Variants in MINK1 observed in about 807,000 individuals in gnomAD.
The protein encoded by MINK1 is misshapen-like kinase 1.
In MINK1, 46 loss-of-function variants were observed where a neutral mutation model predicts 178.4. The observed-to-expected ratio is 0.26, with a 90% CI of 0.20 to 0.33. The LOEUF (loss-of-function observed/expected upper bound fraction) is 0.33, where lower values mean the gene tolerates loss of function less well. MINK1 is among the 10% of genes least tolerant of loss of function. The pLI, the probability that MINK1 is intolerant of heterozygous loss-of-function variation, is 1.00. For synonymous variants in MINK1, 797 were observed against 709.7 expected, an observed-to-expected ratio of 1.12 and a Z score of -1.96; for missense variants, 1,366 against 1,814.9, an observed-to-expected ratio of 0.75 and a Z score of 4.49.
intron 1 of MINK1, among the ~76,000 whole-genome samples, chr17:4,858,479 A>T (rs867150246): frequency 0.012 from 1,738 of 139,396 alleles, 16 homozygotes; most frequent in Non-Finnish European, 0.02. Flanking sequence ...TTTAAATTTA[A>T]TTTTTTTTTT....
intron 5 of MINK1, among the ~76,000 whole-genome samples, 179 bp downstream of exon 5, chr17:4,884,652 G>A (rs1210400120): frequency 6.6e-6 from 1 of 152,172 alleles, no homozygotes; most frequent in Non-Finnish European, 1.5e-5. Flanking sequence ...CAGGCTGTTG[G>A]AGGAGACAAG....
At position 4,896,969 on chromosome 17, in the gene MINK1, G is replaced by A. The variant is rs149374110; in HGVS notation, c.3915+156G>A. Reference sequence around the variant, plus strand: ...CAGTCAGCCACTACCACTGCCCTGCGCTCCCTTCAGATTCCGAGGACTTCC... The same window carrying A: ...CAGTCAGCCACTACCACTGCCCTGCACTCCCTTCAGATTCCGAGGACTTCC... On this transcript the variant is annotated intron_variant, in intron 31 of 31. Transcript: ENST00000355280. The surrounding 1 kb of genome is among the most constrained non-coding windows in gnomAD (Gnocchi z 4.6). 408 of 1,099,422 alleles carry A rather than the reference G, an allele frequency of 3.7e-4. 2 individuals carry two copies. In the Middle Eastern group the frequency reaches 4.2e-3, roughly 11 times the overall value. 68.1% of individuals were successfully genotyped at this position (1,099,422 alleles called of 1,614,324 possible).
chr17:4,834,363 C>T (rs746436659), intron 1 of MINK1, among the ~76,000 whole-genome samples: 8 of 152,088 alleles, frequency 5.3e-5, no homozygotes, highest in Non-Finnish European at 8.8e-5. Context: ...AACTGTAGCA[C>T]GGGCTGGGAA....
chr17:4,869,175 C>T (rs1404268823), intron 1 of MINK1, among the ~76,000 whole-genome samples: 3 of 151,876 alleles, frequency 2.0e-5, no homozygotes, highest in African/African-American at 7.3e-5. Context: ...CTGCCTGCCT[C>T]GGCCTCCCAA....
chr17:4,860,936 CAG>C (rs1159287252), intron 1 of MINK1, among the ~76,000 whole-genome samples: 5 of 152,180 alleles, frequency 3.3e-5, no homozygotes, highest in Non-Finnish European at 7.3e-5. Context: ...GGCAGAGGAG[CAG>C]AGTCTGAGGG....
intron 16 of MINK1, 113 bp downstream of exon 16, chr17:4,891,829 A>C: frequency 7.2e-7 from 1 of 1,398,480 alleles, no homozygotes. Flanking sequence ...AAGCGAGAGA[A>C]AGCCAGGGCG....
chr17:4,868,619 C>T (rs1181845811), intron 1 of MINK1, among the ~76,000 whole-genome samples: 3 of 152,078 alleles, frequency 2.0e-5, no homozygotes, highest in South Asian at 2.1e-4. Context: ...GAATAATATT[C>T]GATTGTATAG....
intron 1 of MINK1, among the ~76,000 whole-genome samples, chr17:4,850,329 G>A (rs1326301090): frequency 2.0e-5 from 3 of 152,144 alleles, no homozygotes; most frequent in Non-Finnish European, 4.4e-5. Context: ...GTGAAAAGTT[G>A]AGTGAACATG....
chr17:4,886,791 C>CAA lies in MINK1; in HGVS notation c.949+165_949+166insAA, dbSNP rs1366640862. 6.6e-6 allele frequency among the ~76,000 whole-genome samples: 1 copy of CAA among 152,202 alleles called. No individual in the cohort carries two copies. Among genetic ancestry groups the CAA allele is most frequent in the East Asian group, 1.9e-4 (1 of 5,184 alleles). ...AACTTGCAACCCCCAAGGGGTTTTC[C>CAA]CTCCTTTCCCTCCCAGTCTGAATCA... On this transcript the variant is annotated intron_variant, in intron 10 of 31. Coordinates refer to ENST00000355280, the MANE Select transcript of MINK1 (RefSeq NM_153827.5). This position sits in a 1 kb window ranked among gnomAD's most constrained non-coding sequence, Gnocchi z 6.1.
rs1199965890 is a variant in MINK1 at position 4,890,679 on chromosome 17, C to T, written c.1510C>T (p.Leu504=). The T allele has an allele frequency of 5.2e-6, 8 of 1,551,024 alleles. No individual in the cohort carries two copies. The highest frequency in any genetic ancestry group is 8.7e-7 in the Non-Finnish European group (1 of 1,147,046). ...GCTCCTGCCTGGGGACAGGAAGCCC[C>T]TGTACCATTATGGTCGGGGCATGAA... ...QQLLPGDRKP[L]YHYGRGMNPA... The change falls in exon 14 of 32, where the codon CTG becomes TTG. Residue 504 remains leucine, a synonymous_variant. Transcript: ENST00000355280.
At chr17:4,847,353 C>T in intron 1 of MINK1, 1 of 414,526 alleles carries the variant, frequency 2.4e-6, no homozygotes, top group South Asian at 1.8e-5. Context: ...ATTCTCCTGC[C>T]TCAGCCTCTA....
At chr17:4,849,619 C>T (rs568857163) in intron 1 of MINK1, among the ~76,000 whole-genome samples, 1 of 152,304 alleles carries the variant, frequency 6.6e-6, no homozygotes, top group East Asian at 1.9e-4. Flanking sequence ...GTTGCCCAGG[C>T]TGGAGTGCAA....
At chr17:4,859,453 C>A in intron 1 of MINK1, 1 of 410,640 alleles carries the variant, frequency 2.4e-6, no homozygotes, top group Non-Finnish European at 3.3e-6. Context: ...GGTGTCTGAG[C>A]ACCCAGAAGG....
intron 5 of MINK1, 133 bp from the exon 6 acceptor site, chr17:4,884,778 TG>T: frequency 1.3e-6 from 1 of 760,364 alleles, no homozygotes; most frequent in Non-Finnish European, 2.2e-6. Flanking sequence ...CTTGGGCTCC[TG>T]GTGGAGAAGG....
At chr17:4,877,809 C>CT (rs1198512639) in intron 1 of MINK1, among the ~76,000 whole-genome samples, 4,328 of 122,404 alleles carry the variant, frequency 0.035, 332 homozygotes, top group African/African-American at 0.097. Context: ...TCTCTCACTT[C>CT]TTTTTTTTTT....
intron 1 of MINK1, among the ~76,000 whole-genome samples, chr17:4,840,866 C>T (rs778503459): frequency 9.2e-5 from 14 of 151,964 alleles, no homozygotes; most frequent in Non-Finnish European, 1.8e-4. Context: ...GCTTGAATGT[C>T]GGGAGGATGG....
At position 4,886,663 on chromosome 17, in the gene MINK1, A is replaced by ACAC; in HGVS notation, c.949+38_949+40dup. On this transcript the variant is annotated intron_variant, in intron 10 of 31. Coordinates refer to ENST00000355280, the MANE Select transcript of MINK1 (RefSeq NM_153827.5). This position sits in a 1 kb window ranked among gnomAD's most constrained non-coding sequence, Gnocchi z 6.1. ...GGCTGGAGGGGGCAGGTACTAGGGGACACTCCAGCCTGGCTCCTCTCTGCC... is the reference window on the plus strand; with the variant it reads ...GGCTGGAGGGGGCAGGTACTAGGGGACACCACTCCAGCCTGGCTCCTCTCTGCC... 6.5e-7 allele frequency: 1 copy of ACAC among 1,529,462 alleles called. No homozygotes were observed. Among genetic ancestry groups the ACAC allele is most frequent in the Non-Finnish European group, 8.8e-7 (1 of 1,138,602 alleles). 94.7% of individuals were successfully genotyped at this position (1,529,462 alleles called of 1,614,324 possible).
Position 4,885,858 on chromosome 17 carries a change from TGCAGG to T in MINK1, c.640-48_640-44del. 6.3e-7 allele frequency: 1 copy of T among 1,596,368 alleles called. No individual in the cohort carries two copies. The highest frequency in any genetic ancestry group is 1.7e-4 in the Middle Eastern group (1 of 6,024). ...GCCAGGATGGTGGGTGAAGAGAGGTTGCAGGGCAGAGTTGTCAGGAATATTCACTT... is the reference window on the plus strand; with the variant it reads ...GCCAGGATGGTGGGTGAAGAGAGGTTGCAGAGTTGTCAGGAATATTCACTT... On this transcript the variant is annotated intron_variant, in intron 7 of 31. Coordinates refer to ENST00000355280, the MANE Select transcript of MINK1 (RefSeq NM_153827.5). The surrounding 1 kb of genome is among the most constrained non-coding windows in gnomAD (Gnocchi z 5.0).
chr17:4,896,398 C>A lies in MINK1; in HGVS notation c.3616-31C>A, dbSNP rs138487305. 14 of 1,610,662 alleles carry A rather than the reference C, an allele frequency of 8.7e-6. No individual in the cohort carries two copies. The highest frequency in any genetic ancestry group is 1.1e-5 in the Non-Finnish European group (13 of 1,177,918). ...GATGGCCCAGTCTGGGCACCAGACACGGAGACTCTAGTCCCCCTCCTTCTC... is the reference window on the plus strand; with the variant it reads ...GATGGCCCAGTCTGGGCACCAGACAAGGAGACTCTAGTCCCCCTCCTTCTC... On this transcript the variant is annotated intron_variant, in intron 29 of 31. Coordinates refer to ENST00000355280, the MANE Select transcript of MINK1 (RefSeq NM_153827.5). This position sits in a 1 kb window ranked among gnomAD's most constrained non-coding sequence, Gnocchi z 4.6.
Sources: gnomAD v4.1 joint callset for allele counts (sites outside exome capture counted in the v4.1 genomes callset) on GRCh38, gnomAD v4.1.1 for gene constraint, Gnocchi (gnomAD v3.1) non-coding constraint, MANE v1.5 for transcripts, NCBI Gene and HGNC (gene_info 2026-07-23, HGNC 2026-07-21) for gene names.